Variants in TRABD2B observed in about 807,000 individuals in gnomAD.
TRABD2B encodes the protein TraB domain containing 2B, also known as metalloprotease TIKI2.
A neutral mutation model predicts 40.1 loss-of-function variants in TRABD2B; 14 were observed. That is an observed-to-expected ratio of 0.35 (90% CI 0.23 to 0.55). TRABD2B has a LOEUF of 0.55. TRABD2B is among the 20% of genes least tolerant of loss of function. The pLI is 0.90. For missense variants in TRABD2B, 541 were observed against 648.6 expected, an observed-to-expected ratio of 0.83 and a Z score of 1.80; for synonymous variants, 263 against 277.0, an observed-to-expected ratio of 0.95 and a Z score of 0.50.
rs570158626 is a variant in TRABD2B at position 47,926,703 on chromosome 1, G to A, written c.666+67331C>T. Among the ~76,000 whole-genome samples, 15 of 152,280 alleles carry A rather than the reference G, an allele frequency of 9.9e-5. No homozygotes were observed. The South Asian group carries it at 3.1e-3, about 32-fold the overall frequency. ...GGTTGGAGAGAATGGGGAGGGTTGA[G>A]GATAGGGCATAGTTTCCAAACATTT... is the stretch of plus-strand genomic sequence containing the variant. On this transcript the variant is annotated intron_variant, in intron 2 of 6. Coordinates refer to ENST00000606738, the MANE Select transcript of TRABD2B (RefSeq NM_001194986.2).
chr1:47,775,079 A>T, intron 6 of TRABD2B, 91 bp downstream of exon 6: 4 of 1,190,492 alleles, frequency 3.4e-6, no homozygotes, highest in Non-Finnish European at 4.2e-6. Flanking sequence ...GGCTGGCCTG[A>T]CGACAGTGTG....
At position 47,813,006 on chromosome 1, in the gene TRABD2B, G is replaced by A. The variant is rs1231437015; in HGVS notation, c.667-11387C>T. 2.0e-5 allele frequency among the ~76,000 whole-genome samples: 3 copies of A among 152,186 alleles called. No individual in the cohort carries two copies. Among genetic ancestry groups the A allele is most frequent in the African/African-American group, 7.2e-5 (3 of 41,454 alleles). ...AGGGATAATGGTCTACACGGGAGGCGATCAGTCAGCGGTAGCCGTGGTTAC... is the reference window on the plus strand; with the variant it reads ...AGGGATAATGGTCTACACGGGAGGCAATCAGTCAGCGGTAGCCGTGGTTAC... On this transcript the variant is annotated intron_variant, in intron 2 of 6. Transcript: ENST00000606738. The surrounding 1 kb of genome is among the most constrained non-coding windows in gnomAD (Gnocchi z 4.3).
intron 2 of TRABD2B, among the ~76,000 whole-genome samples, chr1:47,815,650 C>T (rs1051187353): frequency 6.6e-6 from 1 of 152,180 alleles, no homozygotes; most frequent in Non-Finnish European, 1.5e-5. Context: ...ATTTGTCTTC[C>T]TCTTGTGTGA....
At position 47,762,802 on chromosome 1, in the gene TRABD2B, T is replaced by TCC. The variant is rs2124393481; in HGVS notation, c.*3099_*3100insGG. 1 of 152,240 alleles carries TCC rather than the reference T, an allele frequency of 6.6e-6. No homozygotes were observed. The highest frequency in any genetic ancestry group is 2.1e-4 in the South Asian group (1 of 4,816). The allele number at this position is 152,240 out of a possible 1,614,324, so 9.4% of individuals were successfully genotyped here. A position where few individuals can be genotyped will look rare whatever the true frequency, so the allele number is the denominator to read the frequency against. ...CTGTCTTCATCTGGCTGCTGGTGCA[T>TCC]CAGACCCACCACTGGAGGAAGACCT... On this transcript the variant is annotated 3_prime_UTR_variant, in exon 7 of 7. Coordinates refer to ENST00000606738, the MANE Select transcript of TRABD2B (RefSeq NM_001194986.2).
At position 47,996,829 on chromosome 1, in the gene TRABD2B, G is replaced by C; in HGVS notation, c.-40C>G. The C allele has an allele frequency of 8.5e-7, 1 of 1,171,468 alleles. No individual in the cohort carries two copies. Among genetic ancestry groups the C allele is most frequent in the East Asian group, 3.9e-5 (1 of 25,656 alleles). 72.6% of individuals were successfully genotyped at this position (1,171,468 alleles called of 1,614,324 possible). A position where few individuals can be genotyped will look rare whatever the true frequency, so the allele number is the denominator to read the frequency against. ...CGGGGCGCGGGGGACCCTCCTGGGC[G>C]GCGCCCCTCAGCGGGGCGGGGAGCC... On this transcript the variant is annotated 5_prime_UTR_variant, in exon 1 of 7. Coordinates refer to ENST00000606738, the MANE Select transcript of TRABD2B (RefSeq NM_001194986.2). The surrounding 1 kb of genome is among the most constrained non-coding windows in gnomAD (Gnocchi z 4.6).
At chr1:47,815,708 C>T (rs1052270019) in intron 2 of TRABD2B, among the ~76,000 whole-genome samples, 1 of 152,172 alleles carries the variant, frequency 6.6e-6, no homozygotes, top group Non-Finnish European at 1.5e-5. Flanking sequence ...TTCTTTCAAC[C>T]TGGAGTGTCT....
rs1381224248 is a variant in TRABD2B at position 47,765,938 on chromosome 1, A to AGCGATGGTGGTG, written c.1506_1517dup (p.Thr503_Ala506dup). ...CAAGGCTATGCAGCAGGAAGCAGAC[A>AGCGATGGTGGTG]GCGATGGTGGTGGCGATGGCGGGGA... On this transcript the variant is annotated inframe_insertion, in exon 7 of 7. Transcript: ENST00000606738. The AGCGATGGTGGTG allele has an allele frequency of 1.4e-6, 1 of 702,888 alleles. No homozygotes were observed. Among genetic ancestry groups the AGCGATGGTGGTG allele is most frequent in the African/African-American group, 1.7e-5 (1 of 57,264 alleles). 43.5% of individuals were successfully genotyped at this position (702,888 alleles called of 1,614,324 possible).
In TRABD2B at chr1:47,996,046, T is replaced by C. The variant is rs565304209; in HGVS notation, c.102+642A>G. Among the ~76,000 whole-genome samples the C allele has an allele frequency of 3.8e-4, 58 of 152,348 alleles. No homozygotes were observed. The highest frequency in any genetic ancestry group is 1.3e-3 in the African/African-American group (55 of 41,582). On this transcript the variant is annotated intron_variant, in intron 1 of 6. Transcript: ENST00000606738. The surrounding 1 kb of genome is among the most constrained non-coding windows in gnomAD (Gnocchi z 4.6). ...GAAGGAATATTAGGAGAACCAGTAA[T>C]TACTCGACCCCAAGAAATATTAGGC...
intron 2 of TRABD2B, among the ~76,000 whole-genome samples, chr1:47,946,062 C>T (rs535501442): frequency 2.6e-5 from 4 of 152,246 alleles, no homozygotes; most frequent in African/African-American, 7.2e-5. Context: ...TTGCTATTAT[C>T]GGTTTTAATT....
intron 3 of TRABD2B, among the ~76,000 whole-genome samples, chr1:47,798,948 G>A (rs1029024477): frequency 5.3e-5 from 8 of 152,176 alleles, no homozygotes; most frequent in Non-Finnish European, 8.8e-5. Context: ...CTCCTCAAGC[G>A]ACTAGATTCT....
chr1:47,889,878 G>A (rs1433137817), intron 2 of TRABD2B, among the ~76,000 whole-genome samples: 33 of 152,198 alleles, frequency 2.2e-4, no homozygotes, highest in Admixed American at 2.0e-3. Context: ...GTCTTGAGGC[G>A]CAGTGTAGAT....
intron 2 of TRABD2B, among the ~76,000 whole-genome samples, chr1:47,889,251 C>T (rs761634854): frequency 1.3e-5 from 2 of 152,228 alleles, no homozygotes; most frequent in Non-Finnish European, 2.9e-5. Flanking sequence ...AGGTCAGGAT[C>T]GCTGGCTTGG....
In TRABD2B at chr1:47,775,286, G is replaced by C; in HGVS notation, c.1233C>G (p.Leu411=). 7.9e-7 allele frequency: 1 copy of C among 1,257,918 alleles called. No homozygotes were observed. The highest frequency in any genetic ancestry group is 1.0e-6 in the Non-Finnish European group (1 of 998,364). 77.9% of individuals were successfully genotyped at this position (1,257,918 alleles called of 1,614,324 possible). A position where few individuals can be genotyped will look rare whatever the true frequency, so the allele number is the denominator to read the frequency against. Residue 411 remains leucine (L), a synonymous_variant, in exon 6 of 7, where the codon CTC becomes CTG. Transcript: ENST00000606738. ...CCTCCAGCTGGCTGAGGCTGTCGGG[G>C]AGCAGGAGGTGTGGGGACAGGGCTG... The part of the protein sequence containing the change: ...EDPALSPHLL[L]PDSLSQLEEF...
chr1:47,973,337 T>C (rs893178808), intron 2 of TRABD2B, among the ~76,000 whole-genome samples: 1 of 152,176 alleles, frequency 6.6e-6, no homozygotes, highest in African/African-American at 2.4e-5. Flanking sequence ...CCTATTTCAA[T>C]AGTATGGACT....
chr1:47,790,087 G>A (rs1055307197), intron 4 of TRABD2B, among the ~76,000 whole-genome samples: 3 of 152,124 alleles, frequency 2.0e-5, no homozygotes, highest in Admixed American at 1.3e-4. Flanking sequence ...TTCAAACACA[G>A]TTGAAAGGAG....
At chr1:47,810,128 G>A (rs1644942665) in intron 2 of TRABD2B, among the ~76,000 whole-genome samples, 1 of 133,884 alleles carries the variant, frequency 7.5e-6, no homozygotes, top group Non-Finnish European at 1.6e-5. Flanking sequence ...AAGGCAAAGA[G>A]GAATATAGGG....
intron 2 of TRABD2B, among the ~76,000 whole-genome samples, chr1:47,884,787 T>C (rs1644349965): frequency 6.6e-6 from 1 of 152,016 alleles, no homozygotes; most frequent in Non-Finnish European, 1.5e-5. Context: ...GGCTAATTTT[T>C]GTATTTTTAG....
At chr1:47,993,897 CCAG>C in intron 2 of TRABD2B, 134 bp downstream of exon 2, 2 of 871,480 alleles carry the variant, frequency 2.3e-6, no homozygotes, top group Admixed American at 5.7e-5. Context: ...GCCTCGCTGC[CCAG>C]CAGAACCTCT....
intron 2 of TRABD2B, among the ~76,000 whole-genome samples, chr1:47,966,165 G>A (rs1645599810): frequency 6.6e-6 from 1 of 152,168 alleles, no homozygotes; most frequent in South Asian, 2.1e-4. Flanking sequence ...AGGGCTGTGT[G>A]TTATGACGTC....
Sources: gnomAD v4.1 joint callset for allele counts (sites outside exome capture counted in the v4.1 genomes callset) on GRCh38, gnomAD v4.1.1 for gene constraint, Gnocchi (gnomAD v3.1) non-coding constraint, MANE v1.5 for transcripts, NCBI Gene and HGNC (gene_info 2026-07-23, HGNC 2026-07-21) for gene names.